Variants in DCHS1 observed in about 807,000 individuals in gnomAD.
The protein encoded by DCHS1 is dachsous cadherin-related 1, also known as protocadherin-16.
In DCHS1, 78 loss-of-function variants were observed where a neutral mutation model predicts 213.9. The observed-to-expected ratio is 0.36, with a 90% confidence interval of 0.30 to 0.44. The LOEUF is 0.44. Among genes scored for constraint, DCHS1 ranks in the 20% least tolerant of loss-of-function variants. DCHS1 has a pLI of 1.00. For missense variants in DCHS1, 3,946 were observed against 4,395.9 expected (o/e 0.90, Z 2.89); for synonymous variants, 1,828 against 1,873.7 (o/e 0.98, Z 0.63).
intron 2 of DCHS1, among the ~76,000 whole-genome samples, chr11:6,637,468 T>C (rs1456297653): frequency 2.6e-5 from 4 of 152,104 alleles, no homozygotes; most frequent in Admixed American, 2.6e-4. Context: ...ATAATATTGC[T>C]ATAGAAAAAA....
Position 6,626,797 on chromosome 11 carries a change from G to T in DCHS1, c.6242C>A (p.Ala2081Glu). 1.2e-6 allele frequency: 2 copies of T among 1,611,338 alleles called. No individual in the cohort carries two copies. Among genetic ancestry groups the T allele is most frequent in the East Asian group, 2.2e-5 (1 of 44,858 alleles). Residue 2081 changes from alanine to glutamate, a missense_variant, in exon 14 of 21, where the codon GCG (alanine) becomes GAG (glutamate). By Grantham distance (107) the Ala-to-Glu change is moderately radical. This residue lies in a region of DCHS1 where 3,384 missense variants were observed against 3,780.1 expected (regional missense o/e 0.90). Transcript: ENST00000299441. This position sits in a 1 kb window ranked among gnomAD's most constrained non-coding sequence, Gnocchi z 5.2. ...AATGGCTGGGGACCCACCTGGGGGC[G>T]CATTCTCACGAATCGTAGCCTCACT... ...ASSEATIREN[A>E]PPGTPIVSPR...
At position 6,630,796 on chromosome 11, in the gene DCHS1, A is replaced by T. The variant is rs757584666; in HGVS notation, c.3998T>A (p.Val1333Glu). The part of the protein sequence containing the change: ...DLAERDPAAP[V>E]PVVLTVTAAE... ...TGCTGTCACCGTCAGCACGACAGGC[A>T]CTGGTGCCGCTGGGTCCCGCTCTGC... Residue 1333 changes from valine to glutamate, a missense_variant, in exon 10 of 21, where the codon GTG becomes GAG. Val to Glu is a moderately radical substitution (Grantham distance 121). Coordinates refer to ENST00000299441, the MANE Select transcript of DCHS1 (RefSeq NM_003737.4). 1.1e-5 allele frequency: 17 copies of T among 1,545,618 alleles called. No individual in the cohort carries two copies. The highest frequency in any genetic ancestry group is 1.4e-5 in the Non-Finnish European group (16 of 1,145,102).
At chr11:6,646,222 G>C (rs1202261091) in intron 1 of DCHS1, among the ~76,000 whole-genome samples, 2 of 151,974 alleles carry the variant, frequency 1.3e-5, no homozygotes, top group East Asian at 3.9e-4. Context: ...CACACTTGAA[G>C]ACCCACCCAC....
In DCHS1 at chr11:6,655,604, G is replaced by T; in HGVS notation, c.-162C>A. ...CTCCCTCGCCCGGTGCTGGGGCGCCGTCCGGCCGCGGTCAGCCCCCCGGGC... is the reference window on the plus strand; with the variant it reads ...CTCCCTCGCCCGGTGCTGGGGCGCCTTCCGGCCGCGGTCAGCCCCCCGGGC... On this transcript the variant is annotated 5_prime_UTR_variant, in exon 1 of 21. Transcript: ENST00000299441. The T allele has an allele frequency of 1.0e-6, 1 of 980,078 alleles. No homozygotes were observed. The highest frequency in any genetic ancestry group is 1.2e-4 in the East Asian group (1 of 8,684). The allele number at this position is 980,078 out of a possible 1,614,324, so 60.7% of individuals were successfully genotyped here.
Position 6,631,134 on chromosome 11 carries a change from C to G in DCHS1, c.3849G>C (p.Glu1283Asp), listed in dbSNP as rs1418551317. The change falls in exon 9 of 21, where the codon GAG (glutamate) becomes GAC (aspartate). Residue 1283 changes from glutamate to aspartate, a missense_variant. Glu to Asp is a conservative substitution (Grantham distance 45, BLOSUM62 2). This residue lies in a region of DCHS1 where 3,384 missense variants were observed against 3,780.1 expected (regional missense o/e 0.90). Coordinates refer to ENST00000299441, the MANE Select transcript of DCHS1 (RefSeq NM_003737.4). ...TCAGTGTCAGCACATAGTGGGGCCG[C>G]TCTGCTCGGATCAGGGGAGCTGCAG... ...LLTAAPLIRA[E>D]RPHYVLTLSA... The G allele has an allele frequency of 2.5e-6, 4 of 1,613,440 alleles. No homozygotes were observed. The highest frequency in any genetic ancestry group is 2.5e-6 in the Non-Finnish European group (3 of 1,179,640).
rs549851525 is a variant in DCHS1 at position 6,640,983 on chromosome 11, C to A, written c.631G>T (p.Gly211Trp). The A allele has an allele frequency of 3.7e-6, 6 of 1,614,044 alleles. No homozygotes were observed. The highest frequency in any genetic ancestry group is 5.1e-6 in the Non-Finnish European group (6 of 1,179,894). The change falls in exon 2 of 21, where the codon GGG becomes TGG. Residue 211 changes from glycine to tryptophan, a missense_variant. Gly to Trp is a radical substitution (Grantham distance 184, BLOSUM62 -2). Transcript: ENST00000299441. This position sits in a 1 kb window ranked among gnomAD's most constrained non-coding sequence, Gnocchi z 6.5. The stretch of plus-strand genomic sequence containing the variant: ...GAGCGGTTCTCTCGGTCCAGTTCCC[C>A]AGTAACTACCAGCTCAGGTACTGGA... ...GTPVPELVVT[G>W]ELDRENRSHY...
Position 6,621,907 on chromosome 11 carries a change from AGG to A in DCHS1, c.9767_9768del (p.Pro3256LeufsTer36). 1 of 1,613,116 alleles carries A rather than the reference AGG, an allele frequency of 6.2e-7. No individual in the cohort carries two copies. The highest frequency in any genetic ancestry group is 8.5e-7 in the Non-Finnish European group (1 of 1,179,512). On this transcript the variant is annotated frameshift_variant, in exon 21 of 21. Coordinates refer to ENST00000299441, the MANE Select transcript of DCHS1 (RefSeq NM_003737.4). LOFTEE classifies it high-confidence loss of function. ...GAGCGAGCAGCCAGAGGAGACAGAG[AGG>A]GTGAGAAGCTGGGGGACATGGCAGC... Reference protein sequence around the residue: ...SSAAMSPSFSPSLSPLAARSP... With the variant: ...SSAAMSPSFSXSLSPLAARSP...
chr11:6,627,754 C>T lies in DCHS1; in HGVS notation c.5372-87G>A. 8 of 1,404,698 alleles carry T rather than the reference C, an allele frequency of 5.7e-6. No homozygotes were observed. The highest frequency in any genetic ancestry group is 7.7e-6 in the Non-Finnish European group (8 of 1,044,918). 87.0% of individuals were successfully genotyped at this position (1,404,698 alleles called of 1,614,324 possible). On this transcript the variant is annotated intron_variant, in intron 13 of 20. Transcript: ENST00000299441. This position sits in a 1 kb window ranked among gnomAD's most constrained non-coding sequence, Gnocchi z 5.4. Reference sequence around the variant, plus strand: ...GACAACAGGAGAGAGTGAGCATGTGCACAAAAGCAAGTGAACCTTATGAGA... The same window carrying T: ...GACAACAGGAGAGAGTGAGCATGTGTACAAAAGCAAGTGAACCTTATGAGA...
In DCHS1 at chr11:6,629,766, A is replaced by G. The variant is rs1855869900; in HGVS notation, c.4941T>C (p.Pro1647=). 1 of 1,613,768 alleles carries G rather than the reference A, an allele frequency of 6.2e-7. No homozygotes were observed. The highest frequency in any genetic ancestry group is 8.5e-7 in the Non-Finnish European group (1 of 1,179,888). The change falls in exon 11 of 21, where the codon CCT becomes CCC. Residue 1647 remains proline, a synonymous_variant. Coordinates refer to ENST00000299441, the MANE Select transcript of DCHS1 (RefSeq NM_003737.4). ...VSVADVNDEA[P]TFQQQEYSVL... ...CGCTGTACTCCTGCTGCTGGAAAGT[A>G]GGCGCCTCGTCGTTGACGTCAGCGA... is the stretch of plus-strand genomic sequence containing the variant.
intron 1 of DCHS1, among the ~76,000 whole-genome samples, chr11:6,649,640 G>A (rs921520627): frequency 6.6e-6 from 1 of 152,142 alleles, no homozygotes; most frequent in Non-Finnish European, 1.5e-5. Flanking sequence ...TAGAGGTGAC[G>A]TGGACAGATC....
In DCHS1 at chr11:6,629,802, C is replaced by G. The variant is rs558214953; in HGVS notation, c.4905G>C (p.Leu1635=). The G allele has an allele frequency of 1.2e-6, 2 of 1,613,486 alleles. No individual in the cohort carries two copies. The highest frequency in any genetic ancestry group is 2.7e-5 in the African/African-American group (2 of 75,082). The part of the protein sequence containing the change: ...GSPPRSATQV[L]TVSVADVNDE... The stretch of plus-strand genomic sequence containing the variant: ...CGTTGACGTCAGCGACACTGACGGT[C>G]AGGACCTGCGTGGCCGAGCGCGGCG... The change falls in exon 11 of 21, where the codon CTG becomes CTC. Residue 1635 remains leucine (L), a synonymous_variant. Coordinates refer to ENST00000299441, the MANE Select transcript of DCHS1 (RefSeq NM_003737.4).
chr11:6,624,443 A>G (rs1185575069), intron 20 of DCHS1, 53 bp from the exon 21 acceptor site: 53 of 1,484,602 alleles, frequency 3.6e-5, no homozygotes, highest in South Asian at 7.8e-5. Flanking sequence ...CTGTGAGTGA[A>G]CAGAAGAGTG....
At chr11:6,652,602 G>A (rs889559814) in intron 1 of DCHS1, among the ~76,000 whole-genome samples, 2 of 152,176 alleles carry the variant, frequency 1.3e-5, no homozygotes, top group African/African-American at 4.8e-5. Flanking sequence ...TGTGGAAGAG[G>A]AAGGGGATGG....
rs778849732 is a variant in DCHS1 at position 6,630,683 on chromosome 11, C to T, written c.4111G>A (p.Gly1371Ser). 3 of 1,538,672 alleles carry T rather than the reference C, an allele frequency of 1.9e-6. No homozygotes were observed. Among genetic ancestry groups the T allele is most frequent in the Non-Finnish European group, 8.7e-7 (1 of 1,143,762 alleles). The change falls in exon 10 of 21, where the codon GGC becomes AGC. Residue 1371 changes from glycine (G) to serine (S), a missense_variant. Physicochemically the swap from Gly to Ser is moderately conservative, Grantham distance 56 (BLOSUM62 0). This residue lies in a region of DCHS1 where 3,384 missense variants were observed against 3,780.1 expected (regional missense o/e 0.90). Transcript: ENST00000299441. ...AAGGTGCCCTCGGGATCGGCACCGC[C>T]CACCAGTGTGTAGGTGAGTGCACCC... ...GVGALTYTLV[G>S]GADPEGTFAL...
At chr11:6,631,901 G>A in intron 6 of DCHS1, 92 bp from the exon 7 acceptor site, 2 of 1,451,394 alleles carry the variant, frequency 1.4e-6, no homozygotes, top group Non-Finnish European at 1.8e-6. Context: ...GGGAGTGGGG[G>A]AGGGAATGCC....
chr11:6,624,779 G>A lies in DCHS1; in HGVS notation c.7236C>T (p.Ser2412=). ...CATCGGCAGGGGAAGCCAGGTGGTA[G>A]GAAATGTGACCGTTGGCACCTGAGT... ...DRDSGANGHI[S]YHLASPADGF... The change falls in exon 20 of 21, where the codon TCC becomes TCT. Residue 2412 remains serine, a synonymous_variant. Transcript: ENST00000299441. 6.2e-7 allele frequency: 1 copy of A among 1,613,904 alleles called. No individual in the cohort carries two copies. Among genetic ancestry groups the A allele is most frequent in the Non-Finnish European group, 8.5e-7 (1 of 1,179,840 alleles).
In DCHS1 at chr11:6,623,289, G is replaced by T; in HGVS notation, c.8387C>A (p.Ser2796Tyr). 6.3e-7 allele frequency: 1 copy of T among 1,588,188 alleles called. No individual in the cohort carries two copies. The highest frequency in any genetic ancestry group is 1.1e-5 in the South Asian group (1 of 87,294). The change falls in exon 21 of 21, where the codon TCT becomes TAT. Residue 2796 changes from serine (S) to tyrosine (Y), a missense_variant. By Grantham distance (144) the Ser-to-Tyr change is moderately radical. Around this residue, in one of 3 missense-constraint regions of DCHS1, gnomAD observed 3,384 missense variants for 3,780.1 expected, o/e 0.90. Transcript: ENST00000299441. Reference protein sequence around the residue: ...GAADAGNLSASVTVSVLVTGE... With the variant: ...GAADAGNLSAYVTVSVLVTGE... Reference sequence around the variant, plus strand: ...AGTCACTAGCACCGACACAGTGACAGAGGCTGAGAGATTCCCAGCATCAGC... The same window carrying T: ...AGTCACTAGCACCGACACAGTGACATAGGCTGAGAGATTCCCAGCATCAGC...
chr11:6,639,694 C>G, intron 2 of DCHS1, 123 bp downstream of exon 2: 1 of 840,868 alleles, frequency 1.2e-6, no homozygotes, highest in Non-Finnish European at 1.8e-6. Context: ...CAACATAGGG[C>G]AGAACCCTCT....
Position 6,633,646 on chromosome 11 carries a change from G to C in DCHS1, c.2221C>G (p.Leu741Val), listed in dbSNP as rs1855946314. 6.2e-7 allele frequency: 1 copy of C among 1,602,632 alleles called. No homozygotes were observed. Among genetic ancestry groups the C allele is most frequent in the African/African-American group, 1.3e-5 (1 of 74,698 alleles). Residue 741 changes from leucine to valine, a missense_variant and splice_region_variant, in exon 5 of 21, where the codon CTG becomes GTG. Leu to Val is a conservative substitution (Grantham distance 32). This residue lies in a region of DCHS1 where 3,384 missense variants were observed against 3,780.1 expected (regional missense o/e 0.90). Coordinates refer to ENST00000299441, the MANE Select transcript of DCHS1 (RefSeq NM_003737.4). ...PLFTLDEQSGLLTVAWPLARR... is the reference protein window; with the variant it reads ...PLFTLDEQSGVLTVAWPLARR... ...GCCAAGGGCCAGGCTACTGTCAACA[G>C]CCCTGAGAGGAAGAATAGAAGCAGA...
Sources: gnomAD v4.1 joint callset for allele counts (sites outside exome capture counted in the v4.1 genomes callset) on GRCh38, gnomAD v4.1.1 for gene constraint, gnomAD v4.1.1 regional missense constraint, Gnocchi (gnomAD v3.1) non-coding constraint, MANE v1.5 for transcripts, NCBI Gene and HGNC (gene_info 2026-07-23, HGNC 2026-07-21) for gene names.